CDC42BPB: variants seen among roughly 807,000 people sequenced by gnomAD.
CDC42BPB encodes serine/threonine-protein kinase MRCK beta.
CDC42BPB carries 37 observed loss-of-function variants against 214.9 expected under a neutral mutation model. That is an observed-to-expected ratio of 0.17 (90% confidence interval 0.13 to 0.23). CDC42BPB has a LOEUF of 0.23. CDC42BPB is among the 10% of genes least tolerant of loss of function. CDC42BPB has a pLI of 1.00. For synonymous variants in CDC42BPB, 931 were observed against 884.0 expected (o/e 1.05, Z -0.94); for missense variants, 1,694 against 2,227.0 (o/e 0.76, Z 4.82).
At chr14:103,044,366 C>CA (rs1491502474) in intron 1 of CDC42BPB, among the ~76,000 whole-genome samples, 22 of 129,046 alleles carry the variant, frequency 1.7e-4, no homozygotes, top group Admixed American at 1.5e-3. Context: ...CAGCCGGCAC[C>CA]TTTTTTTTTT....
Position 102,972,070 on chromosome 14 carries a change from G to A in CDC42BPB, c.1733C>T (p.Ser578Leu). The A allele has an allele frequency of 1.2e-6, 2 of 1,614,238 alleles. No homozygotes were observed. Among genetic ancestry groups the A allele is most frequent in the Non-Finnish European group, 1.7e-6 (2 of 1,180,044 alleles). Residue 578 changes from serine to leucine, a missense_variant, in exon 13 of 37, where the codon TCG (serine) becomes TTG (leucine). Transcript: ENST00000361246. ...CTCTGCCATGCGCTCGTTCAGCTCC[G>A]AGAACTCCTGCAGGGCCAGCTTTCG... ...QQRKLALQEF[S>L]ELNERMAELR...
At chr14:103,010,648 T>C (rs1886102310) in intron 2 of CDC42BPB, among the ~76,000 whole-genome samples, 2 of 152,210 alleles carry the variant, frequency 1.3e-5, no homozygotes. Context: ...TTGTTTGATT[T>C]TTCCTCAGTG....
At chr14:103,002,783 G>A (rs555940983) in intron 4 of CDC42BPB, among the ~76,000 whole-genome samples, 3 of 152,300 alleles carry the variant, frequency 2.0e-5, no homozygotes, top group East Asian at 1.9e-4. Context: ...TCACTGGGTC[G>A]TTGGGAAGAC....
At chr14:102,936,463 A>G (rs1029663342) in intron 36 of CDC42BPB, among the ~76,000 whole-genome samples, 2 of 152,178 alleles carry the variant, frequency 1.3e-5, no homozygotes, top group African/African-American at 2.4e-5. Flanking sequence ...GTGAGCCACA[A>G]AACAGTATGC....
rs558165405 is a variant in CDC42BPB, at chr14:102,944,574, A to G, written c.3812-87T>C. The G allele has an allele frequency of 9.9e-5, 151 of 1,530,346 alleles. 1 individual carries two copies. In the South Asian group the frequency reaches 1.2e-3, roughly 12 times the overall value. The allele number at this position is 1,530,346 out of a possible 1,614,324, so 94.8% of individuals were successfully genotyped here. ...CGGCCTTGGCTAAAGACTTGCCTGGAACACTCTGGGGCCCTCCCCTGGGCT... is the reference window on the plus strand; with the variant it reads ...CGGCCTTGGCTAAAGACTTGCCTGGGACACTCTGGGGCCCTCCCCTGGGCT... On this transcript the variant is annotated intron_variant, in intron 29 of 36. Transcript: ENST00000361246. The surrounding 1 kb of genome is among the most constrained non-coding windows in gnomAD (Gnocchi z 6.6).
rs574358102 is a variant in CDC42BPB at position 103,044,400 on chromosome 14, C to T, written c.175+12599G>A. 1.6e-4 allele frequency among the ~76,000 whole-genome samples: 23 copies of T among 145,330 alleles called. No individual in the cohort carries two copies. In the South Asian group the frequency reaches 5.1e-3, roughly 32 times the overall value. ...TTTTTTTTTTTTTGAGACAGAGTCT[C>T]GCTCTGTCACCCAGGCTCGAGTGCA... is the stretch of plus-strand genomic sequence containing the variant. On this transcript the variant is annotated intron_variant, in intron 1 of 36. Coordinates refer to ENST00000361246, the MANE Select transcript of CDC42BPB (RefSeq NM_006035.4).
intron 1 of CDC42BPB, chr14:103,041,919 AC>A: frequency 2.4e-6 from 1 of 413,022 alleles, no homozygotes. Flanking sequence ...AGCTGACAGG[AC>A]CGGTCATGCC....
chr14:102,956,409 T>G (rs147302388), intron 21 of CDC42BPB: 2 of 980,080 alleles, frequency 2.0e-6, no homozygotes, highest in Non-Finnish European at 2.4e-6. Context: ...ACATGTTTCA[T>G]GCAGGCAGCG....
chr14:102,952,758 G>A (rs1595460924), intron 23 of CDC42BPB, 155 bp from the exon 24 acceptor site: 16 of 984,946 alleles, frequency 1.6e-5, no homozygotes, highest in Non-Finnish European at 1.8e-5. Context: ...CCCTAACAGG[G>A]CTCATCAAAT....
intron 2 of CDC42BPB, among the ~76,000 whole-genome samples, chr14:103,009,094 G>A (rs367981151): frequency 3.9e-4 from 59 of 152,262 alleles, no homozygotes; most frequent in African/African-American, 1.3e-3. Context: ...ACTCACACAC[G>A]GGCCCAAGTC....
At chr14:103,031,311 A>G (rs1314658648) in intron 1 of CDC42BPB, among the ~76,000 whole-genome samples, 2 of 152,202 alleles carry the variant, frequency 1.3e-5, no homozygotes, top group Non-Finnish European at 2.9e-5. Flanking sequence ...TGATTTCATG[A>G]AAGTAATTGG....
At chr14:103,009,384 G>A (rs1374422522) in intron 2 of CDC42BPB, among the ~76,000 whole-genome samples, 1 of 152,150 alleles carries the variant, frequency 6.6e-6, no homozygotes, top group South Asian at 2.1e-4. Flanking sequence ...CCCTCACAGC[G>A]ACCCCAGCTG....
At position 103,001,242 on chromosome 14, in the gene CDC42BPB, C is replaced by T. The variant is rs1013102908; in HGVS notation, c.448-1529G>A. 6.6e-6 allele frequency among the ~76,000 whole-genome samples: 1 copy of T among 152,170 alleles called. No individual in the cohort carries two copies. The highest frequency in any genetic ancestry group is 1.9e-4 in the East Asian group (1 of 5,178). On this transcript the variant is annotated intron_variant, in intron 4 of 36. Coordinates refer to ENST00000361246, the MANE Select transcript of CDC42BPB (RefSeq NM_006035.4). The surrounding 1 kb of genome is among the most constrained non-coding windows in gnomAD (Gnocchi z 5.8). The stretch of plus-strand genomic sequence containing the variant: ...GAGTTTTTCAATTTGTTCATTCGCT[C>T]GTGCACCCTCACTGTGGCCCCGCCA...
At chr14:103,050,733 G>A (rs1005207187) in intron 1 of CDC42BPB, among the ~76,000 whole-genome samples, 5 of 152,000 alleles carry the variant, frequency 3.3e-5, no homozygotes, top group Non-Finnish European at 7.4e-5. Context: ...CTCCAGCCTG[G>A]GTAACAGAGC....
At chr14:103,031,647 G>A (rs537250493) in intron 1 of CDC42BPB, among the ~76,000 whole-genome samples, 66 of 152,224 alleles carry the variant, frequency 4.3e-4, no homozygotes, top group African/African-American at 1.5e-3. Context: ...CTCTACAGGC[G>A]CCCACACGCA....
At chr14:102,984,892 C>T (rs564293648) in intron 6 of CDC42BPB, among the ~76,000 whole-genome samples, 4 of 152,348 alleles carry the variant, frequency 2.6e-5, no homozygotes, top group South Asian at 4.1e-4. Flanking sequence ...CTTCCCTGCA[C>T]GAGTGCGTGG....
rs1208181866 is a variant in CDC42BPB at position 103,057,332 on chromosome 14, T to A, written c.-159A>T. On this transcript the variant is annotated 5_prime_UTR_variant, in exon 1 of 37. An upstream start codon of the reference 5' UTR is lost. Coordinates refer to ENST00000361246, the MANE Select transcript of CDC42BPB (RefSeq NM_006035.4). ...CGTCGCGCCCCGGCCTAGGCCGACA[T>A]CTTGGGCTCCGTCCCGACGGCGCAG... 73 of 1,033,066 alleles carry A rather than the reference T, an allele frequency of 7.1e-5. No individual in the cohort carries two copies. In the African/African-American group the frequency reaches 1.2e-3, roughly 17 times the overall value. The allele number at this position is 1,033,066 out of a possible 1,614,324, so 64.0% of individuals were successfully genotyped here.
chr14:102,938,429 C>T lies in CDC42BPB; in HGVS notation c.4828-18G>A, dbSNP rs773967245. The T allele has an allele frequency of 1.2e-5, 18 of 1,520,850 alleles. No homozygotes were observed. The highest frequency in any genetic ancestry group is 1.6e-5 in the Non-Finnish European group (18 of 1,138,892). The allele number at this position is 1,520,850 out of a possible 1,614,324, so 94.2% of individuals were successfully genotyped here. On this transcript the variant is annotated intron_variant, in intron 34 of 36. Transcript: ENST00000361246. Reference sequence around the variant, plus strand: ...ACAGCACTCTGGGCAGAAATAGCAACACGTGAGCATGCTTGGTTGACACCC... The same window carrying T: ...ACAGCACTCTGGGCAGAAATAGCAATACGTGAGCATGCTTGGTTGACACCC...
intron 1 of CDC42BPB, among the ~76,000 whole-genome samples, chr14:103,014,226 C>T (rs1886330984): frequency 2.7e-5 from 4 of 150,546 alleles, no homozygotes; most frequent in Non-Finnish European, 5.9e-5. Context: ...CCCAGGAACA[C>T]AGAGCACAAG....
Sources: gnomAD v4.1 joint callset for allele counts (sites outside exome capture counted in the v4.1 genomes callset) on GRCh38, gnomAD v4.1.1 for gene constraint, Gnocchi (gnomAD v3.1) non-coding constraint, MANE v1.5 for transcripts, NCBI Gene and HGNC (gene_info 2026-07-23, HGNC 2026-07-21) for gene names.